ERBB4: variants seen among roughly 807,000 people sequenced by gnomAD.
ERBB4 encodes receptor tyrosine-protein kinase erbB-4.
In ERBB4, 42 loss-of-function variants were observed where a neutral mutation model predicts 158.0. That is an observed-to-expected ratio of 0.27 (90% CI 0.21 to 0.34). The LOEUF (loss-of-function observed/expected upper bound fraction) is 0.34. Ranked by LOEUF, ERBB4 falls within the 10% of genes least tolerant of loss-of-function variation. The probability of loss-of-function intolerance (pLI) is 1.00; values close to 1 mark genes in which losing one functional copy is unlikely to be tolerated. For missense variants in ERBB4, 1,333 were observed against 1,624.1 expected, an observed-to-expected ratio of 0.82 and a Z score of 3.08; for synonymous variants, 583 against 558.7, an observed-to-expected ratio of 1.04 and a Z score of -0.61.
intron 19 of ERBB4, among the ~76,000 whole-genome samples, chr2:211,594,189 C>G (rs2068559187): frequency 6.6e-6 from 1 of 152,174 alleles, no homozygotes; most frequent in African/African-American, 2.4e-5. Flanking sequence ...ATAATCCCAG[C>G]ACTTTGGGAG....
chr2:211,394,201 T>C (rs2062864212), intron 25 of ERBB4, among the ~76,000 whole-genome samples: 1 of 152,154 alleles, frequency 6.6e-6, no homozygotes, highest in South Asian at 2.1e-4. Flanking sequence ...TCAAAGAATG[T>C]TATTAGCACA....
At chr2:212,177,667 ATTCT>A (rs1426584832) in intron 1 of ERBB4, among the ~76,000 whole-genome samples, 1 of 151,874 alleles carries the variant, frequency 6.6e-6, no homozygotes, top group Non-Finnish European at 1.5e-5. Context: ...CTGTTCATTC[ATTCT>A]TTCATTCACA....
chr2:212,393,236 A>C (rs75714627), intron 1 of ERBB4, among the ~76,000 whole-genome samples: 3,588 of 152,110 alleles, frequency 0.024, 134 homozygotes, highest in African/African-American at 0.081. Context: ...TAAAAGTTCC[A>C]ATCTTTAAAC....
chr2:212,263,118 A>T (rs1337588715), intron 1 of ERBB4, among the ~76,000 whole-genome samples: 1 of 152,178 alleles, frequency 6.6e-6, no homozygotes, highest in Non-Finnish European at 1.5e-5. Context: ...AGATGGAGGC[A>T]GAGGTTTCAA....
At chr2:212,416,522 CTT>C (rs1161206181) in intron 1 of ERBB4, among the ~76,000 whole-genome samples, 1 of 152,030 alleles carries the variant, frequency 6.6e-6, no homozygotes, top group African/African-American at 2.4e-5. Context: ...AATTAAAACT[CTT>C]GAGTTTCAAA....
chr2:211,606,954 G>A (rs114993406), intron 19 of ERBB4, among the ~76,000 whole-genome samples: 1,612 of 152,176 alleles, frequency 0.011, 16 homozygotes, highest in Non-Finnish European at 0.018. Flanking sequence ...GTTTCCTATG[G>A]TGAATTTTCC....
rs927151296 is a variant in ERBB4, at chr2:211,684,288, C to T, written c.1490-5104G>A. On this transcript the variant is annotated intron_variant, in intron 12 of 27. Transcript: ENST00000342788. ...CCAACATGATGAAACCCGATCTCTA[C>T]TAAAAATACAAAATTAGCTGGGCAT... Among the ~76,000 whole-genome samples, 78 of 152,008 alleles carry T rather than the reference C, an allele frequency of 5.1e-4. 2 individuals are homozygous for T. Among genetic ancestry groups the T allele is most frequent in the Non-Finnish European group, 1.5e-4 (10 of 68,002 alleles).
chr2:212,163,221 A>G (rs1249682379), intron 1 of ERBB4, among the ~76,000 whole-genome samples: 2 of 152,022 alleles, frequency 1.3e-5, no homozygotes, highest in Non-Finnish European at 2.9e-5. Context: ...GTGTGTATGT[A>G]TATATACTTT....
chr2:211,665,219 T>C (rs2071581338), intron 15 of ERBB4, 104 bp downstream of exon 15: 1 of 1,139,126 alleles, frequency 8.8e-7, no homozygotes, highest in African/African-American at 1.5e-5. Context: ...TAAGGATTAG[T>C]AGAGTTCTAT....
At chr2:212,487,985 T>C (rs961195873) in intron 1 of ERBB4, among the ~76,000 whole-genome samples, 4 of 152,132 alleles carry the variant, frequency 2.6e-5, no homozygotes, top group African/African-American at 9.7e-5. Context: ...CGTGCTCTCT[T>C]CTCAGCCAAG....
At chr2:212,002,465 G>C (rs553619034) in intron 2 of ERBB4, among the ~76,000 whole-genome samples, 1 of 152,308 alleles carries the variant, frequency 6.6e-6, no homozygotes, top group African/African-American at 2.4e-5. Flanking sequence ...GTGGTGGGCA[G>C]AGGACAACAG....
intron 1 of ERBB4, among the ~76,000 whole-genome samples, chr2:212,254,842 C>T (rs1343774336): frequency 6.6e-6 from 1 of 152,118 alleles, no homozygotes; most frequent in Non-Finnish European, 1.5e-5. Flanking sequence ...ATACAAACCA[C>T]TCTTACAGTT....
chr2:212,464,919 CA>C, intron 1 of ERBB4, among the ~76,000 whole-genome samples: 1 of 151,856 alleles, frequency 6.6e-6, no homozygotes, highest in Non-Finnish European at 1.5e-5. Flanking sequence ...CACACACACA[CA>C]CACACACCCC....
At chr2:212,026,446 T>C (rs545517741) in intron 2 of ERBB4, among the ~76,000 whole-genome samples, 1 of 151,912 alleles carries the variant, frequency 6.6e-6, no homozygotes, top group East Asian at 1.9e-4. Context: ...AAAAGAATAC[T>C]GAATAAGTGT....
chr2:212,015,041 A>T (rs11892947), intron 2 of ERBB4, among the ~76,000 whole-genome samples: 235 of 9,202 alleles, frequency 0.026, 6 homozygotes, highest in African/African-American at 0.047. Flanking sequence ...AAAAAAAAAA[A>T]ATATATATAT....
intron 2 of ERBB4, among the ~76,000 whole-genome samples, chr2:212,046,179 A>G (rs2077257088): frequency 6.6e-6 from 1 of 152,212 alleles, no homozygotes; most frequent in Non-Finnish European, 1.5e-5. Flanking sequence ...CGAAATCTAA[A>G]AATGGAGAGA....
At chr2:211,483,136 A>C (rs2065126253) in intron 20 of ERBB4, among the ~76,000 whole-genome samples, 1 of 152,164 alleles carries the variant, frequency 6.6e-6, no homozygotes, top group African/African-American at 2.4e-5. Flanking sequence ...AAACGAATGA[A>C]CTTGAAAATA....
chr2:211,830,788 T>C lies in ERBB4; in HGVS notation c.422-42629A>G, dbSNP rs148595081. On this transcript the variant is annotated intron_variant, in intron 3 of 27. Coordinates refer to ENST00000342788, the MANE Select transcript of ERBB4 (RefSeq NM_005235.3). ...TTTATAACAATGAAGTGAAATGAGA[T>C]TACATTTCATCTACGTGATCTTTTA... Among the ~76,000 whole-genome samples the C allele has an allele frequency of 3.3e-3, 502 of 152,188 alleles. 15 individuals are homozygous for C. Among genetic ancestry groups the C allele is most frequent in the Admixed American group, 0.029 (441 of 15,266 alleles).
intron 23 of ERBB4, 56 bp downstream of exon 23, chr2:211,424,099 T>A: frequency 3.4e-6 from 5 of 1,486,366 alleles, no homozygotes; most frequent in Non-Finnish European, 4.7e-6. Context: ...TTGAGTAATC[T>A]CTGCTATTAC....
Sources: allele counts gnomAD v4.1 joint callset (sites outside exome capture counted in the v4.1 genomes callset), GRCh38; gene constraint gnomAD v4.1.1; transcripts MANE v1.5; gene names NCBI Gene and HGNC (gene_info 2026-07-23, HGNC 2026-07-21).